The following AGTR1 variants were observed in gnomAD, a reference collection of about 807,000 sequenced individuals.
AGTR1 encodes angiotensin II receptor type 1, also known as type-1 angiotensin II receptor.
In AGTR1, 16 loss-of-function variants were observed where a neutral mutation model predicts 19.4. That is an observed-to-expected ratio of 0.82 (90% CI 0.56 to 1.25). The LOEUF is 1.25. Among genes scored for constraint, AGTR1 ranks in the 50% most tolerant of loss-of-function variants. The pLI is 0.00. For synonymous variants in AGTR1, 153 were observed against 154.9 expected (o/e 0.99, Z 0.09); for missense variants, 373 against 431.9 (o/e 0.86, Z 1.21).
In AGTR1 at chr3:148,716,518, C is replaced by T. The variant is rs1713311307; in HGVS notation, c.-48+8491C>T. Among the ~76,000 whole-genome samples the T allele has an allele frequency of 6.6e-6, 1 of 152,062 alleles. No individual in the cohort carries two copies. ...TTATTTCCCAGTACCTTCTATATTA[C>T]TAACATCCCATAAAACCAGCCATGT... is the stretch of plus-strand genomic sequence containing the variant. On this transcript the variant is annotated intron_variant, in intron 2 of 2. Coordinates refer to ENST00000349243, the MANE Select transcript of AGTR1 (RefSeq NM_000685.5). This position sits in a 1 kb window ranked among gnomAD's most constrained non-coding sequence, Gnocchi z 4.7.
rs1387596806 is a variant in AGTR1 at position 148,732,117 on chromosome 3, A to G, written c.-47-8872A>G. Among the ~76,000 whole-genome samples, 3 of 152,364 alleles carry G rather than the reference A, an allele frequency of 2.0e-5. No homozygotes were observed. The East Asian group carries it at 5.8e-4, about 29-fold the overall frequency. On this transcript the variant is annotated intron_variant, in intron 2 of 2. Transcript: ENST00000349243. ...AGGGTTGATTTTCTATGTTATTTTA[A>G]CAGTATCACATTGCGCCCCCCTCTT...
At position 148,711,387 on chromosome 3, in the gene AGTR1, A is replaced by G. The variant is rs190631938; in HGVS notation, c.-48+3360A>G. On this transcript the variant is annotated intron_variant, in intron 2 of 2. Coordinates refer to ENST00000349243, the MANE Select transcript of AGTR1 (RefSeq NM_000685.5). ...ATAGCTATATAACTAGCTGTGAAAAAGGGATATAAATATCCAGCTGATATT... is the reference window on the plus strand; with the variant it reads ...ATAGCTATATAACTAGCTGTGAAAAGGGGATATAAATATCCAGCTGATATT... Among the ~76,000 whole-genome samples, 383 of 152,336 alleles carry G rather than the reference A, an allele frequency of 2.5e-3. 4 individuals carry two copies. Among genetic ancestry groups the G allele is most frequent in the African/African-American group, 8.9e-3 (372 of 41,592 alleles).
chr3:148,729,018 G>GAA (rs1714107655), intron 2 of AGTR1, among the ~76,000 whole-genome samples: 1 of 118,764 alleles, frequency 8.4e-6, no homozygotes, highest in African/African-American at 3.2e-5. Context: ...GAGAACAAGA[G>GAA]CCTCAGCTTA....
intron 1 of AGTR1, among the ~76,000 whole-genome samples, chr3:148,699,815 T>C (rs868434343): frequency 2.6e-5 from 4 of 152,158 alleles, no homozygotes; most frequent in South Asian, 2.1e-4. Context: ...CCACCTTTTT[T>C]CCCCCTGACT....
At chr3:148,713,321 A>G (rs1713109408) in intron 2 of AGTR1, among the ~76,000 whole-genome samples, 1 of 78,784 alleles carries the variant, frequency 1.3e-5, no homozygotes, top group African/African-American at 1.6e-4. Context: ...GAGGGGGGGA[A>G]TATATATATA....
intron 2 of AGTR1, among the ~76,000 whole-genome samples, chr3:148,726,158 C>G (rs924638574): frequency 1.3e-5 from 2 of 151,990 alleles, no homozygotes; most frequent in African/African-American, 2.4e-5. Context: ...GAAGAAGAAT[C>G]CCCCAATTCT....
chr3:148,737,499 A>G (rs1382245434), intron 2 of AGTR1, among the ~76,000 whole-genome samples: 2 of 152,160 alleles, frequency 1.3e-5, no homozygotes. Flanking sequence ...ACTAAAGATA[A>G]TACTGCCTTT....
intron 2 of AGTR1, chr3:148,729,976 A>C: frequency 3.3e-6 from 1 of 306,676 alleles, no homozygotes; most frequent in Non-Finnish European, 6.0e-6. Flanking sequence ...CTCGCAGGGA[A>C]AAAAATAAAT....
chr3:148,729,273 A>T (rs894179038), intron 2 of AGTR1, among the ~76,000 whole-genome samples: 5 of 152,212 alleles, frequency 3.3e-5, no homozygotes, highest in Admixed American at 1.3e-4. Flanking sequence ...TGTTAAAAAA[A>T]TTCTCCTGTC....
intron 2 of AGTR1, among the ~76,000 whole-genome samples, chr3:148,723,699 AG>A (rs1289122900): frequency 6.6e-6 from 1 of 152,230 alleles, no homozygotes; most frequent in Admixed American, 6.5e-5. Context: ...CCTCAGACTG[AG>A]TCAGGCACAT....
At chr3:148,722,124 T>G (rs916936747) in intron 2 of AGTR1, among the ~76,000 whole-genome samples, 38 of 152,186 alleles carry the variant, frequency 2.5e-4, no homozygotes, top group African/African-American at 8.9e-4. Flanking sequence ...AAATTCACAA[T>G]GTTTAGCATC....
intron 2 of AGTR1, among the ~76,000 whole-genome samples, chr3:148,734,171 A>G (rs1714440004): frequency 6.6e-6 from 1 of 152,214 alleles, no homozygotes; most frequent in African/African-American, 2.4e-5. Flanking sequence ...TTTCATTATT[A>G]GACAGTAGTC....
At chr3:148,721,896 C>T (rs1245698920) in intron 2 of AGTR1, among the ~76,000 whole-genome samples, 1 of 152,168 alleles carries the variant, frequency 6.6e-6, no homozygotes, top group Non-Finnish European at 1.5e-5. Context: ...TGGAAAGTCT[C>T]ATAATTCATG....
intron 1 of AGTR1, among the ~76,000 whole-genome samples, chr3:148,698,938 T>A (rs1382559896): frequency 6.6e-6 from 1 of 151,210 alleles, no homozygotes; most frequent in African/African-American, 2.4e-5. Context: ...CCTGCTATAG[T>A]CTCCCGAAGA....
chr3:148,713,313 G>A (rs1375272331), intron 2 of AGTR1, among the ~76,000 whole-genome samples: 1 of 133,300 alleles, frequency 7.5e-6, no homozygotes, highest in African/African-American at 3.8e-5. Context: ...ATTGGTTGGA[G>A]GGGGGGAATA....
At chr3:148,727,045 A>AAGGGC (rs1713990030) in intron 2 of AGTR1, among the ~76,000 whole-genome samples, 2 of 152,176 alleles carry the variant, frequency 1.3e-5, no homozygotes, top group Non-Finnish European at 2.9e-5. Context: ...GATGTCTATT[A>AAGGGC]ATATTGCTCC....
chr3:148,700,874 C>T (rs1266847110), intron 1 of AGTR1, among the ~76,000 whole-genome samples: 1 of 152,112 alleles, frequency 6.6e-6, no homozygotes, highest in Non-Finnish European at 1.5e-5. Flanking sequence ...TTCAAAATTG[C>T]CTAAGATCAT....
At chr3:148,733,269 C>T (rs1031360436) in intron 2 of AGTR1, among the ~76,000 whole-genome samples, 3 of 152,114 alleles carry the variant, frequency 2.0e-5, no homozygotes, top group Admixed American at 2.0e-4. Flanking sequence ...AATATTCTAG[C>T]TTCATTTAAA....
intron 2 of AGTR1, among the ~76,000 whole-genome samples, chr3:148,713,222 A>G (rs1303468804): frequency 6.6e-6 from 1 of 152,018 alleles, no homozygotes; most frequent in East Asian, 1.9e-4. Context: ...TCTTAGGACA[A>G]TGCTTCAGTA....
Sources: gnomAD v4.1 joint callset for allele counts (sites outside exome capture counted in the v4.1 genomes callset) on GRCh38, gnomAD v4.1.1 for gene constraint, Gnocchi (gnomAD v3.1) non-coding constraint, MANE v1.5 for transcripts, NCBI Gene and HGNC (gene_info 2026-07-23, HGNC 2026-07-21) for gene names.